The following HMCN2 variants were observed in gnomAD, a reference collection of about 807,000 sequenced individuals.
HMCN2 encodes hemicentin 2.
HMCN2 carries 325 observed loss-of-function variants against 377.5 expected under a neutral mutation model. The observed-to-expected ratio is 0.86, with a 90% CI of 0.79 to 0.94. The LOEUF is 0.94. Ranked by LOEUF, HMCN2 falls within the 40% of genes least tolerant of loss-of-function variation. HMCN2 has a pLI of 0.00. For synonymous variants in HMCN2, 2,007 were observed against 2,046.8 expected (o/e 0.98, Z 0.53); for missense variants, 4,543 against 4,725.3 (o/e 0.96, Z 1.13).
intron 57 of HMCN2, among the ~76,000 whole-genome samples, 186 bp from the exon 58 acceptor site, chr9:130,384,187 C>T (rs748662500): frequency 2.0e-4 from 31 of 152,224 alleles, no homozygotes; most frequent in Non-Finnish European, 2.9e-4. Context: ...CTCTCCCTCT[C>T]TGATCCCCTA....
In HMCN2 at chr9:130,357,966, C is replaced by T. The variant is rs1489033332; in HGVS notation, c.5558C>T (p.Ala1853Val). Reference protein sequence around the residue: ...LRWWKDGVALAAFGGNLQIEK... With the variant: ...LRWWKDGVALVAFGGNLQIEK... ...TGGTGGAAGGATGGTGTAGCCCTGGCAGCCTTTGGGGGGAACCTACAGGTA... is the reference window on the plus strand; with the variant it reads ...TGGTGGAAGGATGGTGTAGCCCTGGTAGCCTTTGGGGGGAACCTACAGGTA... Residue 1853 changes from alanine to valine, a missense_variant, in exon 35 of 98, where the codon GCA (alanine) becomes GTA (valine). Coordinates refer to ENST00000683500, the MANE Select transcript of HMCN2 (RefSeq NM_001291815.2). 3 of 1,304,080 alleles carry T rather than the reference C, an allele frequency of 2.3e-6. No individual in the cohort carries two copies. The highest frequency in any genetic ancestry group is 2.1e-4 in the Middle Eastern group (1 of 4,694). The allele number at this position is 1,304,080 out of a possible 1,614,324, so 80.8% of individuals were successfully genotyped here. A position where few individuals can be genotyped will look rare whatever the true frequency, so the allele number is the denominator to read the frequency against.
intron 90 of HMCN2, among the ~76,000 whole-genome samples, chr9:130,426,285 C>T (rs1844361393): frequency 6.6e-6 from 1 of 152,228 alleles, no homozygotes; most frequent in African/African-American, 2.4e-5. Flanking sequence ...AGCCAGGAAC[C>T]ACTGTTGGAA....
chr9:130,360,717 C>A lies in HMCN2; in HGVS notation c.5950+113C>A. 2.2e-6 allele frequency: 1 copy of A among 459,778 alleles called. No homozygotes were observed. The highest frequency in any genetic ancestry group is 3.6e-6 in the Non-Finnish European group (1 of 276,214). 28.5% of individuals were successfully genotyped at this position (459,778 alleles called of 1,614,324 possible). A position where few individuals can be genotyped will look rare whatever the true frequency, so the allele number is the denominator to read the frequency against. On this transcript the variant is annotated intron_variant, in intron 38 of 97. Coordinates refer to ENST00000683500, the MANE Select transcript of HMCN2 (RefSeq NM_001291815.2). The surrounding 1 kb of genome is among the most constrained non-coding windows in gnomAD (Gnocchi z 4.7). ...CTCATCCATCCATCTACCACCCCAT[C>A]CATCCGTTACCCCATCCATCCATCA...
rs781828711 is a variant in HMCN2, at chr9:130,295,697, C to T, written c.816C>T (p.Asn272=). The T allele has an allele frequency of 1.5e-5, 7 of 471,072 alleles. No homozygotes were observed. The highest frequency in any genetic ancestry group is 7.7e-5 in the South Asian group (5 of 64,556). The allele number at this position is 471,072 out of a possible 1,614,324, so 29.2% of individuals were successfully genotyped here. The part of the protein sequence containing the change: ...GRILQEDEGL[N]VLLNIPDSAK... ...TCCTGCAGGAGGACGAGGGCCTCAA[C>T]GTGCTTCTCAACATCCCTGACTCGG... Residue 272 remains asparagine (N), a synonymous_variant, in exon 6 of 98, where the codon AAC becomes AAT. Transcript: ENST00000683500.
At chr9:130,370,503 T>C (rs1323559848) in intron 45 of HMCN2, among the ~76,000 whole-genome samples, 3 of 152,162 alleles carry the variant, frequency 2.0e-5, no homozygotes, top group Non-Finnish European at 4.4e-5. Context: ...CTCACCCAGA[T>C]ATCCCCAACA....
intron 74 of HMCN2, 65 bp from the exon 75 acceptor site, chr9:130,398,486 G>A: frequency 2.1e-6 from 2 of 936,960 alleles, no homozygotes; most frequent in Non-Finnish European, 2.7e-6. Flanking sequence ...CCTGGGCACA[G>A]CCTCAGAGAG....
intron 16 of HMCN2, among the ~76,000 whole-genome samples, chr9:130,320,044 C>T (rs1195619823): frequency 6.6e-6 from 1 of 152,180 alleles, no homozygotes; most frequent in Non-Finnish European, 1.5e-5. Flanking sequence ...CTGCGCCTAC[C>T]CTACCACCCA....
Position 130,428,475 on chromosome 9 carries a change from G to A in HMCN2, c.14183G>A (p.Gly4728Glu), listed in dbSNP as rs1252762861. 1 of 1,541,582 alleles carries A rather than the reference G, an allele frequency of 6.5e-7. No homozygotes were observed. The highest frequency in any genetic ancestry group is 8.7e-7 in the Non-Finnish European group (1 of 1,146,908). Residue 4728 changes from glycine to glutamate, a missense_variant, in exon 93 of 98, where the codon GGG (glycine) becomes GAG (glutamate). Gly to Glu is a moderately conservative substitution (Grantham distance 98). Around this residue, in one of 5 missense-constraint regions of HMCN2, gnomAD observed 1,155 missense variants for 1,157.7 expected, o/e 1.00. Coordinates refer to ENST00000683500, the MANE Select transcript of HMCN2 (RefSeq NM_001291815.2). This position sits in a 1 kb window ranked among gnomAD's most constrained non-coding sequence, Gnocchi z 5.0. ...GGGCCTGGCTTCCGGGTGGCTGATG[G>A]GGCCGGCTGTGAAGGTGATGGGGGC... ...DCGPGFRVAD[G>E]AGCEDVDECL...
intron 37 of HMCN2, among the ~76,000 whole-genome samples, chr9:130,359,867 T>A (rs1840266505): frequency 1.3e-5 from 2 of 152,104 alleles, no homozygotes; most frequent in Non-Finnish European, 1.5e-5. Context: ...CTGCTTTGCT[T>A]GTTGCCTGTG....
At chr9:130,373,378 C>G (rs985042665) in intron 48 of HMCN2, among the ~76,000 whole-genome samples, 6 of 152,218 alleles carry the variant, frequency 3.9e-5, no homozygotes, top group Non-Finnish European at 8.8e-5. Context: ...TGGCTGGCCC[C>G]TAAGGCTCAG....
At chr9:130,390,575 C>T (rs770872623) in intron 62 of HMCN2, among the ~76,000 whole-genome samples, 12 of 152,252 alleles carry the variant, frequency 7.9e-5, no homozygotes, top group East Asian at 1.9e-4. Flanking sequence ...GGGAGGAGCC[C>T]GAGCAGAGGC....
intron 4 of HMCN2, among the ~76,000 whole-genome samples, chr9:130,288,862 G>C (rs1835567885): frequency 6.6e-6 from 1 of 152,202 alleles, no homozygotes. Context: ...TCCCTGGTAG[G>C]GGAAATTTGG....
At position 130,353,021 on chromosome 9, in the gene HMCN2, C is replaced by T; in HGVS notation, c.4680C>T (p.Pro1560=). ...VQLLCEARGV[P]TPNITWFKDG... ...TCCTGTGTGAGGCTCGAGGAGTGCC[C>T]ACCCCAAACATCACCTGGTTCAAGG... Residue 1560 remains proline (P), a synonymous_variant, in exon 31 of 98, where the codon CCC becomes CCT. Transcript: ENST00000683500. 1 of 1,304,180 alleles carries T rather than the reference C, an allele frequency of 7.7e-7. No homozygotes were observed. The highest frequency in any genetic ancestry group is 1.2e-5 in the South Asian group (1 of 81,020). 80.8% of individuals were successfully genotyped at this position (1,304,180 alleles called of 1,614,324 possible).
chr9:130,389,161 G>A (rs999773328), intron 62 of HMCN2, among the ~76,000 whole-genome samples: 11 of 152,278 alleles, frequency 7.2e-5, no homozygotes, highest in African/African-American at 2.6e-4. Context: ...ACCTCTCCCT[G>A]CCCCTCCATG....
chr9:130,277,751 CCATCATCATCATCACCACCACCAT>C (rs1834782517), intron 1 of HMCN2, among the ~76,000 whole-genome samples: 2 of 127,190 alleles, frequency 1.6e-5, no homozygotes, highest in Admixed American at 1.6e-4. Flanking sequence ...ACCACCACCA[CCATCATCATCATCACCACCACCAT>C]CATCATCACC....
At chr9:130,425,974 C>T (rs760029173) in intron 90 of HMCN2, 50 bp downstream of exon 90, 13 of 1,362,044 alleles carry the variant, frequency 9.5e-6, no homozygotes, top group Non-Finnish European at 1.3e-5. Flanking sequence ...CTAAAACCTG[C>T]CAGGGGGCCC....
chr9:130,356,348 G>A (rs919687997), intron 34 of HMCN2, 91 bp downstream of exon 34: 24 of 1,165,740 alleles, frequency 2.1e-5, no homozygotes, highest in African/African-American at 1.6e-4. Flanking sequence ...GGAAGGGCAC[G>A]GGGCTGGTCT....
rs1444523291 is a variant in HMCN2 at position 130,266,036 on chromosome 9, T to C, written c.158T>C (p.Leu53Pro). ...FDVTGSMWDE[L>P]MQVIDGASRI... ...GTCACCGGCTCCATGTGGGACGAAC[T>C]GATGCAGGTGATCGATGGCGCCTCG... The change falls in exon 1 of 98, where the codon CTG (leucine) becomes CCG (proline). Residue 53 changes from leucine (L) to proline (P), a missense_variant. Physicochemically the swap from Leu to Pro is moderately conservative, Grantham distance 98. Around this residue, in one of 5 missense-constraint regions of HMCN2, gnomAD observed 547 missense variants for 189.9 expected, o/e 2.88. Coordinates refer to ENST00000683500, the MANE Select transcript of HMCN2 (RefSeq NM_001291815.2). The C allele has an allele frequency of 4.2e-6, 2 of 470,828 alleles. No homozygotes were observed. The highest frequency in any genetic ancestry group is 8.8e-6 in the Non-Finnish European group (2 of 227,008). 29.2% of individuals were successfully genotyped at this position (470,828 alleles called of 1,614,324 possible). A position where few individuals can be genotyped will look rare whatever the true frequency, so the allele number is the denominator to read the frequency against.
At chr9:130,323,817 C>T (rs1837977437) in intron 19 of HMCN2, among the ~76,000 whole-genome samples, 1 of 152,190 alleles carries the variant, frequency 6.6e-6, no homozygotes, top group Admixed American at 6.5e-5. Context: ...ATTCTCCTGC[C>T]TCAGCCTCCT....
Sources: gnomAD v4.1 joint callset for allele counts (sites outside exome capture counted in the v4.1 genomes callset) on GRCh38, gnomAD v4.1.1 for gene constraint, gnomAD v4.1.1 regional missense constraint, Gnocchi (gnomAD v3.1) non-coding constraint, MANE v1.5 for transcripts, NCBI Gene and HGNC (gene_info 2026-07-23, HGNC 2026-07-21) for gene names.